SPNS2: variants seen among roughly 807,000 people sequenced by gnomAD.
The protein encoded by SPNS2 is SPNS lysolipid transporter 2, sphingosine-1-phosphate.
A neutral mutation model predicts 57.6 loss-of-function variants in SPNS2; 37 were observed. The observed-to-expected ratio is 0.64, with a 90% CI of 0.49 to 0.85. The LOEUF (loss-of-function observed/expected upper bound fraction) is 0.85. Among genes scored for constraint, SPNS2 ranks in the 40% least tolerant of loss-of-function variants. The pLI is 0.00. For missense variants in SPNS2, 831 were observed against 779.1 expected (o/e 1.07, Z -0.79); for synonymous variants, 440 against 346.9 (o/e 1.27, Z -2.98).
chr17:4,538,586 C>A lies in SPNS2; in HGVS notation c.*1138C>A. 2.5e-6 allele frequency: 1 copy of A among 405,982 alleles called. No individual in the cohort carries two copies. The highest frequency in any genetic ancestry group is 5.6e-5 in the East Asian group (1 of 17,754). The allele number at this position is 405,982 out of a possible 1,614,324, so 25.1% of individuals were successfully genotyped here. On this transcript the variant is annotated 3_prime_UTR_variant, in exon 13 of 13. Transcript: ENST00000329078. ...GGGGAGCTTAGCCCCCTGCGTCACCCACTCCCTGCACTTCTGCTGCAATCA... is the reference window on the plus strand; with the variant it reads ...GGGGAGCTTAGCCCCCTGCGTCACCAACTCCCTGCACTTCTGCTGCAATCA...
At chr17:4,534,147 G>C (rs970931804) in intron 9 of SPNS2, among the ~76,000 whole-genome samples, 1 of 152,188 alleles carries the variant, frequency 6.6e-6, no homozygotes, top group Non-Finnish European at 1.5e-5. Context: ...CTGGCACTGA[G>C]GTGGCGCTGC....
In SPNS2 at chr17:4,538,470, AGGGG is replaced by A. The variant is rs59684754; in HGVS notation, c.*1027_*1030del. The A allele has an allele frequency of 0.68, 136,020 of 201,456 alleles. 46,827 individuals carry two copies. Among genetic ancestry groups the A allele is most frequent in the East Asian group, 1 (5,994 of 6,014 alleles). The allele number at this position is 201,456 out of a possible 1,614,324, so 12.5% of individuals were successfully genotyped here. Reference sequence around the variant, plus strand: ...TGCTGGCATTCCACCAAGTGACCCCAGGGGGGGGCCAGGCCTTCGATCACCCACC... The same window carrying A: ...TGCTGGCATTCCACCAAGTGACCCCAGGGGCCAGGCCTTCGATCACCCACC... On this transcript the variant is annotated 3_prime_UTR_variant, in exon 13 of 13. Coordinates refer to ENST00000329078, the MANE Select transcript of SPNS2 (RefSeq NM_001124758.3).
intron 11 of SPNS2, 96 bp downstream of exon 11, chr17:4,536,522 A>G: frequency 2.1e-6 from 3 of 1,400,584 alleles, no homozygotes; most frequent in South Asian, 1.3e-5. Context: ...CGGGGAGGGT[A>G]CAGACCTCCC....
intron 3 of SPNS2, among the ~76,000 whole-genome samples, chr17:4,527,767 G>C (rs1905298538): frequency 6.6e-6 from 1 of 152,186 alleles, no homozygotes; most frequent in Admixed American, 6.5e-5. Context: ...AAGCTGTGGG[G>C]AATCGGGGAC....
chr17:4,506,385 C>T (rs1421816023), intron 1 of SPNS2, among the ~76,000 whole-genome samples: 2 of 152,214 alleles, frequency 1.3e-5, no homozygotes, highest in African/African-American at 2.4e-5. Flanking sequence ...TGGCCACACC[C>T]CCTGTGGGTC....
At chr17:4,521,868 T>C (rs928986275) in intron 2 of SPNS2, among the ~76,000 whole-genome samples, 3 of 152,208 alleles carry the variant, frequency 2.0e-5, no homozygotes, top group Non-Finnish European at 4.4e-5. Flanking sequence ...CGTGGGTAGC[T>C]TGAACTCAGC....
At chr17:4,536,992 G>A in intron 12 of SPNS2, 46 bp downstream of exon 12, 1 of 1,605,410 alleles carries the variant, frequency 6.2e-7, no homozygotes, top group Non-Finnish European at 8.5e-7. Context: ...AAGGAAAGGG[G>A]AAGGCCAGGG....
intron 6 of SPNS2, 66 bp from the exon 7 acceptor site, chr17:4,532,911 C>G (rs1318215939): frequency 1.0e-5 from 16 of 1,555,014 alleles, no homozygotes; most frequent in Non-Finnish European, 1.3e-5. Context: ...TCCCCCAGTG[C>G]ATGGGGCTGC....
chr17:4,530,598 TC>T, intron 3 of SPNS2, 33 bp from the exon 4 acceptor site: 1 of 1,591,794 alleles, frequency 6.3e-7, no homozygotes, highest in Non-Finnish European at 8.6e-7. Flanking sequence ...CGGTGGGTAG[TC>T]GGTCCCCCAG....
chr17:4,499,130 G>T lies in SPNS2; in HGVS notation c.83G>T (p.Arg28Leu). Residue 28 changes from arginine (R) to leucine (L), a missense_variant, in exon 1 of 13, where the codon CGG becomes CTG. Arg to Leu is a moderately radical substitution (Grantham distance 102). Around this residue, in one of 2 missense-constraint regions of SPNS2, gnomAD observed 305 missense variants for 378.3 expected, o/e 0.81. Transcript: ENST00000329078. The surrounding 1 kb of genome is among the most constrained non-coding windows in gnomAD (Gnocchi z 5.2). ...EADAERRRRRRGAQRGAGGSG... is the reference protein window; with the variant it reads ...EADAERRRRRLGAQRGAGGSG... ...GACGCGGAGCGGCGGCGCCGGCGCC[G>T]GGGGGCGCAGCGAGGGGCTGGCGGT... is the stretch of plus-strand genomic sequence containing the variant. 8.7e-7 allele frequency: 1 copy of T among 1,143,878 alleles called. No individual in the cohort carries two copies. The highest frequency in any genetic ancestry group is 1.1e-6 in the Non-Finnish European group (1 of 930,688). 70.9% of individuals were successfully genotyped at this position (1,143,878 alleles called of 1,614,324 possible). A position where few individuals can be genotyped will look rare whatever the true frequency, so the allele number is the denominator to read the frequency against.
Position 4,513,177 on chromosome 17 carries a change from A to T in SPNS2, c.371-70A>T, listed in dbSNP as rs986278304. 1.4e-5 allele frequency: 21 copies of T among 1,545,814 alleles called. No individual in the cohort carries two copies. The African/African-American group carries it at 2.7e-4, about 20-fold the overall frequency. On this transcript the variant is annotated intron_variant, in intron 1 of 12. Transcript: ENST00000329078. ...GGCTGGGCCCTGCAAGGCGGGAAAG[A>T]GGCTGGGCTGGTCTGTGGGGACACC...
intron 9 of SPNS2, among the ~76,000 whole-genome samples, chr17:4,535,565 C>T (rs1372381298): frequency 6.6e-6 from 1 of 152,194 alleles, no homozygotes; most frequent in African/African-American, 2.4e-5. Context: ...GCTGGAGAGG[C>T]AGCAGCATGG....
chr17:4,513,777 G>A (rs1038747172), intron 2 of SPNS2, among the ~76,000 whole-genome samples: 1 of 152,206 alleles, frequency 6.6e-6, no homozygotes, highest in African/African-American at 2.4e-5. Flanking sequence ...AGGTGACGAA[G>A]CAAAAAACTC....
chr17:4,533,742 G>A, intron 8 of SPNS2, 46 bp from the exon 9 acceptor site: 1 of 1,606,416 alleles, frequency 6.2e-7, no homozygotes, highest in Non-Finnish European at 8.5e-7. Flanking sequence ...TGTGGTTGCT[G>A]CGGATGGAGG....
Position 4,532,983 on chromosome 17 carries a change from C to G in SPNS2, c.942C>G (p.Ser314Arg). The G allele has an allele frequency of 6.2e-7, 1 of 1,611,562 alleles. No homozygotes were observed. The highest frequency in any genetic ancestry group is 8.5e-7 in the Non-Finnish European group (1 of 1,178,970). Residue 314 changes from serine (S) to arginine (R), a missense_variant, in exon 7 of 13, where the codon AGC (serine) becomes AGG (arginine). Around this residue, in one of 2 missense-constraint regions of SPNS2, gnomAD observed 526 missense variants for 400.9 expected, o/e 1.31. Coordinates refer to ENST00000329078, the MANE Select transcript of SPNS2 (RefSeq NM_001124758.3). The part of the protein sequence containing the change: ...RDMKALIRNR[S>R]YVFSSLATSA... ...CTGCCTGGCCTCTCCCCAGCCGCAG[C>G]TACGTCTTCTCCTCCCTGGCCACGT...
chr17:4,525,465 G>T (rs903035974), intron 3 of SPNS2, among the ~76,000 whole-genome samples: 6 of 152,242 alleles, frequency 3.9e-5, no homozygotes, highest in Non-Finnish European at 7.3e-5. Flanking sequence ...ATTTGGGATG[G>T]ATGCAAAGAA....
In SPNS2 at chr17:4,533,140, G is replaced by C; in HGVS notation, c.1088+11G>C. 1 of 1,601,722 alleles carries C rather than the reference G, an allele frequency of 6.2e-7. No homozygotes were observed. The highest frequency in any genetic ancestry group is 1.3e-5 in the African/African-American group (1 of 74,824). On this transcript the variant is annotated intron_variant, in intron 7 of 12. Transcript: ENST00000329078. ...TGGGGCCAAGGACAGGTGGGGCCCC[G>C]CGGGGTGGGCCCAGGGCTGGTGAGG...
Position 4,532,701 on chromosome 17 carries a change from G to A in SPNS2, c.935+17G>A. The A allele has an allele frequency of 6.2e-7, 1 of 1,611,524 alleles. No homozygotes were observed. Among genetic ancestry groups the A allele is most frequent in the Non-Finnish European group, 8.5e-7 (1 of 1,178,560 alleles). ...GATTCGAAAGTGAGTACCGCGGGAA[G>A]GGGTCTGGTGGGAAGAGAGAGGGGT... On this transcript the variant is annotated intron_variant, in intron 6 of 12. Transcript: ENST00000329078.
intron 3 of SPNS2, among the ~76,000 whole-genome samples, chr17:4,525,595 G>C (rs1418480679): frequency 6.6e-6 from 1 of 152,208 alleles, no homozygotes; most frequent in African/African-American, 2.4e-5. Context: ...TGCTTGGTCT[G>C]ATGACCAGCT....
Sources: gnomAD v4.1 joint callset for allele counts (sites outside exome capture counted in the v4.1 genomes callset) on GRCh38, gnomAD v4.1.1 for gene constraint, gnomAD v4.1.1 regional missense constraint, Gnocchi (gnomAD v3.1) non-coding constraint, MANE v1.5 for transcripts, NCBI Gene and HGNC (gene_info 2026-07-23, HGNC 2026-07-21) for gene names.